MEIS1: variants seen among roughly 807,000 people sequenced by gnomAD.
The protein encoded by MEIS1 is homeobox protein Meis1.
A neutral mutation model predicts 50.8 loss-of-function variants in MEIS1; 5 were observed. The observed-to-expected ratio is 0.10, with a 90% CI of 0.05 to 0.21. MEIS1 has a LOEUF of 0.21. MEIS1 is among the 10% of genes least tolerant of loss of function. MEIS1 has a pLI of 1.00. For missense variants in MEIS1, 318 were observed against 517.3 expected, an observed-to-expected ratio of 0.61 and a Z score of 3.74; for synonymous variants, 176 against 179.3, an observed-to-expected ratio of 0.98 and a Z score of 0.15.
intron 7 of MEIS1, among the ~76,000 whole-genome samples, chr2:66,470,991 T>G (rs574766657): frequency 6.6e-6 from 1 of 152,328 alleles, no homozygotes; most frequent in South Asian, 2.1e-4. Context: ...CAGGCATTGA[T>G]GTGAAAATGA....
At chr2:66,446,125 G>T (rs1012958957) in intron 6 of MEIS1, among the ~76,000 whole-genome samples, 6 of 152,162 alleles carry the variant, frequency 3.9e-5, no homozygotes, top group Admixed American at 1.3e-4. Flanking sequence ...AGGGAGAGGG[G>T]GGCCATGATG....
At chr2:66,451,439 G>C (rs1483422895) in intron 6 of MEIS1, among the ~76,000 whole-genome samples, 1 of 152,062 alleles carries the variant, frequency 6.6e-6, no homozygotes, top group East Asian at 1.9e-4. Context: ...ACAGTGAAGA[G>C]AGCAATTTGA....
chr2:66,490,459 G>A lies in MEIS1; in HGVS notation c.743-21690G>A, dbSNP rs573991084. 2.0e-5 allele frequency among the ~76,000 whole-genome samples: 3 copies of A among 147,746 alleles called. No individual in the cohort carries two copies. In the South Asian group the frequency reaches 6.3e-4, roughly 31 times the overall value. On this transcript the variant is annotated intron_variant, in intron 7 of 12. Transcript: ENST00000272369. ...GGGAATGGAGATAAAATTATGTTATGGACTTGCAAGCTTACTTTTTAAAAA... is the reference window on the plus strand; with the variant it reads ...GGGAATGGAGATAAAATTATGTTATAGACTTGCAAGCTTACTTTTTAAAAA...
At chr2:66,555,541 A>T (rs908642495) in intron 9 of MEIS1, among the ~76,000 whole-genome samples, 5 of 152,226 alleles carry the variant, frequency 3.3e-5, no homozygotes, top group Admixed American at 1.3e-4. Flanking sequence ...TTTAGACATT[A>T]GTAGTTTCCT....
Position 66,568,763 on chromosome 2 carries a change from CTTTG to C in MEIS1, c.1114+11_1114+14del, listed in dbSNP as rs1423805392. The C allele has an allele frequency of 1.2e-6, 2 of 1,612,816 alleles. No individual in the cohort carries two copies. The highest frequency in any genetic ancestry group is 1.7e-6 in the Non-Finnish European group (2 of 1,178,852). On this transcript the variant is annotated splice_region_variant and intron_variant, in intron 11 of 12. Transcript: ENST00000272369. ...ATGGGAATTAGAGCACCAGGTAAGA[CTTTG>C]TTTTTGTGGTAGTTCCTCATTTTTG...
At chr2:66,515,722 G>A (rs935444357) in intron 8 of MEIS1, among the ~76,000 whole-genome samples, 5 of 152,244 alleles carry the variant, frequency 3.3e-5, no homozygotes, top group Middle Eastern at 3.4e-3. Flanking sequence ...AGTAGAGAGG[G>A]TCTCTTAAAA....
At position 66,485,882 on chromosome 2, in the gene MEIS1, C is replaced by G. The variant is rs181254370; in HGVS notation, c.742+21662C>G. Among the ~76,000 whole-genome samples the G allele has an allele frequency of 3.3e-3, 500 of 152,318 alleles. 3 individuals carry two copies. Among genetic ancestry groups the G allele is most frequent in the African/African-American group, 0.011 (458 of 41,564 alleles). On this transcript the variant is annotated intron_variant, in intron 7 of 12. Transcript: ENST00000272369. Reference sequence around the variant, plus strand: ...TGAGCTTTTTTCATATGTTTGTTGGCCACATAAATGTCCTCTTTTGAAAAG... The same window carrying G: ...TGAGCTTTTTTCATATGTTTGTTGGGCACATAAATGTCCTCTTTTGAAAAG...
chr2:66,459,584 C>T (rs1484340098), intron 6 of MEIS1, among the ~76,000 whole-genome samples: 3 of 152,038 alleles, frequency 2.0e-5, no homozygotes, highest in African/African-American at 7.2e-5. Flanking sequence ...TGATGAGGGC[C>T]TTAACAAGAA....
chr2:66,453,742 C>T (rs1043052542), intron 6 of MEIS1, among the ~76,000 whole-genome samples: 4 of 151,780 alleles, frequency 2.6e-5, no homozygotes, highest in African/African-American at 7.2e-5. Context: ...TGGAAATCAG[C>T]GGTAAATATA....
chr2:66,496,580 A>C (rs1178649217), intron 7 of MEIS1, among the ~76,000 whole-genome samples: 2 of 152,094 alleles, frequency 1.3e-5, no homozygotes, highest in Middle Eastern at 3.2e-3. Context: ...GATGCTGGGA[A>C]ATGTTTGCTT....
chr2:66,509,135 C>A, intron 7 of MEIS1: 1 of 441,544 alleles, frequency 2.3e-6, no homozygotes, highest in Non-Finnish European at 4.7e-6. Flanking sequence ...TACAATTGAC[C>A]ATTTAGACTT....
At chr2:66,553,064 C>T (rs573789209) in intron 9 of MEIS1, among the ~76,000 whole-genome samples, 90 of 152,212 alleles carry the variant, frequency 5.9e-4, no homozygotes, top group Middle Eastern at 3.4e-3. Context: ...AAACAGTACA[C>T]GATGCAAGAA....
At chr2:66,532,732 C>A (rs1674425220) in intron 8 of MEIS1, among the ~76,000 whole-genome samples, 1 of 152,106 alleles carries the variant, frequency 6.6e-6, no homozygotes, top group Non-Finnish European at 1.5e-5. Context: ...TTGGCATCAT[C>A]AAAATGATGG....
chr2:66,462,047 C>T (rs1370448367), intron 6 of MEIS1, among the ~76,000 whole-genome samples: 1 of 152,144 alleles, frequency 6.6e-6, no homozygotes, highest in Non-Finnish European at 1.5e-5. Flanking sequence ...GGGGAGGGAG[C>T]AGAGCAGAGC....
chr2:66,546,292 G>T (rs888467862), intron 8 of MEIS1, among the ~76,000 whole-genome samples: 4 of 152,170 alleles, frequency 2.6e-5, no homozygotes, highest in Admixed American at 2.6e-4. Context: ...GTGGTGTTAG[G>T]AAAACAGAAA....
At chr2:66,474,133 C>T (rs1266013380) in intron 7 of MEIS1, among the ~76,000 whole-genome samples, 1 of 151,840 alleles carries the variant, frequency 6.6e-6, no homozygotes, top group East Asian at 1.9e-4. Flanking sequence ...TGGTTGAATA[C>T]GTGGATGTAG....
intron 1 of MEIS1, chr2:66,436,779 C>T (rs1434677422): frequency 1.5e-6 from 1 of 685,550 alleles, no homozygotes; most frequent in East Asian, 1.3e-4. Flanking sequence ...GCCTCCAAAT[C>T]TTGGGAAAAT....
At chr2:66,553,673 A>T (rs1327442011) in intron 9 of MEIS1, among the ~76,000 whole-genome samples, 1 of 152,358 alleles carries the variant, frequency 6.6e-6, no homozygotes, top group East Asian at 1.9e-4. Flanking sequence ...TAAGAGTTCA[A>T]CAGAGACACT....
chr2:66,491,791 G>A lies in MEIS1; in HGVS notation c.743-20358G>A, dbSNP rs181863827. The stretch of plus-strand genomic sequence containing the variant: ...ACATTCACAGAGTGTGTGGGGCTTC[G>A]TACACTCCCTTAATTCCACAATGGA... On this transcript the variant is annotated intron_variant, in intron 7 of 12. Transcript: ENST00000272369. Among the ~76,000 whole-genome samples the A allele has an allele frequency of 2.0e-5, 3 of 152,092 alleles. No homozygotes were observed. In the South Asian group the frequency reaches 6.2e-4, roughly 32 times the overall value.
Sources: allele counts gnomAD v4.1 joint callset (sites outside exome capture counted in the v4.1 genomes callset), GRCh38; gene constraint gnomAD v4.1.1; transcripts MANE v1.5; gene names NCBI Gene and HGNC (gene_info 2026-07-23, HGNC 2026-07-21).